GALNT10: variants seen among roughly 807,000 people sequenced by gnomAD.
The protein encoded by GALNT10 is GalNAc transferase 10.
A neutral mutation model predicts 75.0 loss-of-function variants in GALNT10; 41 were observed. The ratio of observed to expected loss-of-function variants is 0.55; its 90% confidence interval spans 0.43 to 0.71. The LOEUF (loss-of-function observed/expected upper bound fraction) is 0.71, where lower values mean the gene tolerates loss of function less well. Among genes scored for constraint, GALNT10 ranks in the 30% least tolerant of loss-of-function variants. The pLI, the probability that GALNT10 is intolerant of heterozygous loss-of-function variation, is 0.00. For synonymous variants in GALNT10, 302 were observed against 313.0 expected (o/e 0.96, Z 0.37); for missense variants, 727 against 818.5 (o/e 0.89, Z 1.36).
intron 3 of GALNT10, among the ~76,000 whole-genome samples, chr5:154,314,737 C>T (rs1362308735): frequency 6.6e-6 from 1 of 151,480 alleles, no homozygotes; most frequent in Admixed American, 6.6e-5. Context: ...ATTTGGTTAC[C>T]ATGTGAAAGT....
chr5:154,281,929 G>A (rs1028059282), intron 1 of GALNT10, among the ~76,000 whole-genome samples: 2 of 152,212 alleles, frequency 1.3e-5, no homozygotes, highest in Non-Finnish European at 2.9e-5. Context: ...AACAAGAAAG[G>A]CAAAAGTGCA....
rs1315682106 is a variant in GALNT10, at chr5:154,380,572, C to T, written c.879C>T (p.Tyr293=). ...GGGGAGCCTTTGACTGGGAGATGTACTACAAGCGGATCCCGATCCCTCCAG... is the reference window on the plus strand; with the variant it reads ...GGGGAGCCTTTGACTGGGAGATGTATTACAAGCGGATCCCGATCCCTCCAG... ...AMRGAFDWEM[Y]YKRIPIPPEL... Residue 293 remains tyrosine (Y), a synonymous_variant, in exon 6 of 12, where the codon TAC becomes TAT. Transcript: ENST00000297107. The T allele has an allele frequency of 6.8e-6, 11 of 1,613,808 alleles. No individual in the cohort carries two copies. The highest frequency in any genetic ancestry group is 9.3e-6 in the Non-Finnish European group (11 of 1,179,866).
At chr5:154,285,561 T>G (rs1754098277) in intron 1 of GALNT10, among the ~76,000 whole-genome samples, 1 of 152,060 alleles carries the variant, frequency 6.6e-6, no homozygotes, top group Admixed American at 6.6e-5. Context: ...AGGCTCTATT[T>G]CTTGACTCAA....
At chr5:154,307,722 C>A (rs1754456060) in intron 3 of GALNT10, among the ~76,000 whole-genome samples, 1 of 151,438 alleles carries the variant, frequency 6.6e-6, no homozygotes, top group African/African-American at 2.4e-5. Flanking sequence ...TATCCTGATA[C>A]CAAAATCAGA....
rs1554102730 is a variant in GALNT10 at position 154,416,480 on chromosome 5, T to TATACAC, written c.1654-333_1654-332insTACACA. The stretch of plus-strand genomic sequence containing the variant: ...AAATAAAAGATAAAAGGAAAGCACA[T>TATACAC]ACACACACACACACACACACACACA... On this transcript the variant is annotated intron_variant, in intron 11 of 11. Coordinates refer to ENST00000297107, the MANE Select transcript of GALNT10 (RefSeq NM_198321.4). This position sits in a 1 kb window ranked among gnomAD's most constrained non-coding sequence, Gnocchi z 4.5. Among the ~76,000 whole-genome samples, 1 of 141,828 alleles carries TATACAC rather than the reference T, an allele frequency of 7.1e-6. No individual in the cohort carries two copies. The highest frequency in any genetic ancestry group is 2.7e-5 in the African/African-American group (1 of 36,794). The allele number at this position is 141,828 out of a possible 152,430, so 93.0% of individuals were successfully genotyped here.
Position 154,415,832 on chromosome 5 carries a change from A to G in GALNT10, c.1553A>G (p.His518Arg). 6.2e-7 allele frequency: 1 copy of G among 1,614,160 alleles called. No homozygotes were observed. Among genetic ancestry groups the G allele is most frequent in the Non-Finnish European group, 8.5e-7 (1 of 1,180,008 alleles). The change falls in exon 11 of 12, where the codon CAC becomes CGC. Residue 518 changes from histidine (H) to arginine (R), a missense_variant. Physicochemically the swap from His to Arg is conservative, Grantham distance 29. Transcript: ENST00000297107. ...GACATCCGGCCTGGAGACCCCCAGC[A>G]CACCAAGAAGTTCTGCTTTGATGCC... ...REDIRPGDPQ[H>R]TKKFCFDAIS...
At chr5:154,381,377 C>T (rs190377260) in intron 6 of GALNT10, among the ~76,000 whole-genome samples, 20 of 152,334 alleles carry the variant, frequency 1.3e-4, no homozygotes, top group Admixed American at 5.9e-4. Flanking sequence ...TCTGGTGCTC[C>T]AAGCTCTGGA....
At chr5:154,360,881 C>G (rs1369468178) in intron 4 of GALNT10, among the ~76,000 whole-genome samples, 1 of 152,122 alleles carries the variant, frequency 6.6e-6, no homozygotes, top group Admixed American at 6.5e-5. Context: ...AACATCTTCC[C>G]CTCCCAGCTG....
intron 1 of GALNT10, among the ~76,000 whole-genome samples, chr5:154,269,646 G>A (rs574812424): frequency 7.0e-4 from 107 of 152,372 alleles, no homozygotes; most frequent in Admixed American, 3.7e-3. Context: ...AACTAGGTTG[G>A]CTTCCACAAC....
At chr5:154,198,788 T>G (rs1251351533) in intron 1 of GALNT10, among the ~76,000 whole-genome samples, 2 of 152,176 alleles carry the variant, frequency 1.3e-5, no homozygotes, top group Non-Finnish European at 2.9e-5. Flanking sequence ...TCTTAGCTCC[T>G]CTGAGCCTTG....
intron 3 of GALNT10, among the ~76,000 whole-genome samples, chr5:154,316,421 G>T (rs939077862): frequency 7.2e-5 from 11 of 152,214 alleles, no homozygotes; most frequent in Admixed American, 4.6e-4. Flanking sequence ...TCCAACTCCA[G>T]TTCAACTCAG....
chr5:154,367,375 T>C (rs1249280342), intron 4 of GALNT10, among the ~76,000 whole-genome samples: 1 of 152,176 alleles, frequency 6.6e-6, no homozygotes, highest in Non-Finnish European at 1.5e-5. Flanking sequence ...TGTGTTCATT[T>C]GTCAGACCTT....
intron 1 of GALNT10, among the ~76,000 whole-genome samples, chr5:154,226,581 T>C (rs1044603698): frequency 6.6e-6 from 1 of 152,256 alleles, no homozygotes; most frequent in African/African-American, 2.4e-5. Flanking sequence ...TTAAATGACA[T>C]CTGTCTTTTA....
chr5:154,342,988 CGT>C (rs1561666495), intron 4 of GALNT10, among the ~76,000 whole-genome samples: 1 of 152,122 alleles, frequency 6.6e-6, no homozygotes, highest in East Asian at 1.9e-4. Flanking sequence ...TCAGTTGCCA[CGT>C]GTGTTTTATG....
intron 1 of GALNT10, among the ~76,000 whole-genome samples, chr5:154,196,695 A>G (rs999937784): frequency 2.6e-5 from 4 of 152,184 alleles, no homozygotes; most frequent in Non-Finnish European, 4.4e-5. Flanking sequence ...CATCTTTTCT[A>G]TAAGCTCTAG....
chr5:154,281,560 C>T (rs1754038697), intron 1 of GALNT10, among the ~76,000 whole-genome samples: 1 of 152,192 alleles, frequency 6.6e-6, no homozygotes, highest in Non-Finnish European at 1.5e-5. Context: ...TGCCTAAGGT[C>T]CTGCTCTTCA....
chr5:154,404,307 C>T, intron 8 of GALNT10, 96 bp downstream of exon 8: 1 of 643,376 alleles, frequency 1.6e-6, no homozygotes, highest in Non-Finnish European at 2.7e-6. Flanking sequence ...GTTATGTGAT[C>T]TCTGGGTTTG....
intron 1 of GALNT10, among the ~76,000 whole-genome samples, chr5:154,195,983 C>T (rs1022195958): frequency 3.9e-5 from 6 of 152,008 alleles, no homozygotes; most frequent in Admixed American, 2.6e-4. Flanking sequence ...AGTGCAATGG[C>T]GTGATCTCGG....
intron 4 of GALNT10, among the ~76,000 whole-genome samples, chr5:154,371,094 C>T (rs1256073119): frequency 6.6e-6 from 1 of 152,216 alleles, no homozygotes; most frequent in Non-Finnish European, 1.5e-5. Context: ...CTGAAGTCCT[C>T]GGGAGGATTC....
Sources: allele counts gnomAD v4.1 joint callset (sites outside exome capture counted in the v4.1 genomes callset), GRCh38; gene constraint gnomAD v4.1.1; non-coding constraint Gnocchi (gnomAD v3.1); transcripts MANE v1.5; gene names NCBI Gene and HGNC (gene_info 2026-07-23, HGNC 2026-07-21).